PVT1: variants seen among roughly 807,000 people sequenced by gnomAD.
PVT1 encodes Pvt1 oncogene, also known as CXCR4/PVT1 fusion.
chr8:128,085,149 C>T (rs1814240463), intron 5 of PVT1, among the ~76,000 whole-genome samples: 1 of 152,160 alleles, frequency 6.6e-6, no homozygotes, highest in Admixed American at 6.5e-5. Flanking sequence ...CTGGGACTGT[C>T]AAGCCGAAGA....
At chr8:128,012,819 T>A (rs965005756) in intron 4 of PVT1, among the ~76,000 whole-genome samples, 1 of 152,164 alleles carries the variant, frequency 6.6e-6, no homozygotes, top group Non-Finnish European at 1.5e-5. Flanking sequence ...CAAAATCTAC[T>A]AATATCCACC....
intron 3 of PVT1, among the ~76,000 whole-genome samples, chr8:127,896,782 C>G (rs55849445): frequency 9.9e-4 from 148 of 149,568 alleles, no homozygotes; most frequent in African/African-American, 2.9e-3. Context: ...CCTCCCCCCC[C>G]CCGCCCCCGA....
chr8:127,808,217 G>A (rs1276508411), intron 2 of PVT1, among the ~76,000 whole-genome samples: 1 of 151,814 alleles, frequency 6.6e-6, no homozygotes, highest in Non-Finnish European at 1.5e-5. Flanking sequence ...GCTAATTTTT[G>A]TATTTTTTTT....
At chr8:127,844,139 T>C (rs1030460349) in intron 2 of PVT1, among the ~76,000 whole-genome samples, 5 of 151,620 alleles carry the variant, frequency 3.3e-5, no homozygotes, top group Non-Finnish European at 7.4e-5. Context: ...CCCACCACCA[T>C]GCCCGGCTAA....
chr8:127,796,913 T>C (rs939861434), intron 2 of PVT1, among the ~76,000 whole-genome samples: 1 of 147,924 alleles, frequency 6.8e-6, no homozygotes, highest in Non-Finnish European at 1.5e-5. Flanking sequence ...AGTTTCACTC[T>C]TGTTGCCCAG....
chr8:127,818,435 G>A (rs1020211265), intron 2 of PVT1, among the ~76,000 whole-genome samples: 19 of 152,128 alleles, frequency 1.2e-4, no homozygotes, highest in Non-Finnish European at 2.1e-4. Context: ...AGAAGGGAGA[G>A]CAGGCAGGTC....
chr8:127,978,967 C>A (rs1246744754), intron 3 of PVT1, among the ~76,000 whole-genome samples: 3 of 152,216 alleles, frequency 2.0e-5, no homozygotes, highest in Non-Finnish European at 4.4e-5. Flanking sequence ...ATCTCAAACT[C>A]CTGGCCTCAA....
chr8:127,848,405 T>A (rs896972435), intron 2 of PVT1, among the ~76,000 whole-genome samples: 1 of 151,522 alleles, frequency 6.6e-6, no homozygotes, highest in South Asian at 2.1e-4. Context: ...CAAATTTGGC[T>A]GGGCGCAGTG....
chr8:127,990,718 C>T (rs935851205), intron 4 of PVT1, among the ~76,000 whole-genome samples: 7 of 152,200 alleles, frequency 4.6e-5, no homozygotes, highest in Non-Finnish European at 2.9e-5. Context: ...TTTTCAAAAG[C>T]GCATTTGCGT....
chr8:128,022,116 A>G (rs1817445434), intron 4 of PVT1, among the ~76,000 whole-genome samples: 1 of 152,220 alleles, frequency 6.6e-6, no homozygotes, highest in African/African-American at 2.4e-5. Flanking sequence ...GCTGGGTGTC[A>G]GCTCTGGACC....
intron 3 of PVT1, among the ~76,000 whole-genome samples, chr8:127,964,068 T>G (rs1816676912): frequency 6.6e-6 from 1 of 152,196 alleles, no homozygotes; most frequent in African/African-American, 2.4e-5. Context: ...TTATTGCAGA[T>G]GAAGGAGTGC....
chr8:127,846,409 C>T (rs999791964), intron 2 of PVT1, among the ~76,000 whole-genome samples: 1 of 152,180 alleles, frequency 6.6e-6, no homozygotes, highest in Admixed American at 6.6e-5. Context: ...CGTGGTTAAT[C>T]ACATTTCCTA....
intron 2 of PVT1, among the ~76,000 whole-genome samples, chr8:127,851,432 A>T (rs28583916): frequency 6.6e-6 from 1 of 152,118 alleles, no homozygotes; most frequent in African/African-American, 2.4e-5. Flanking sequence ...ACCCCCGCCC[A>T]TGGCCCTCAT....
At chr8:127,934,786 C>T (rs953311221) in intron 3 of PVT1, among the ~76,000 whole-genome samples, 1 of 152,086 alleles carries the variant, frequency 6.6e-6, no homozygotes, top group Non-Finnish European at 1.5e-5. Flanking sequence ...TTTGACTTAT[C>T]AATGGTTTTT....
intron 2 of PVT1, among the ~76,000 whole-genome samples, chr8:127,847,601 G>A (rs1815050802): frequency 6.6e-6 from 1 of 152,208 alleles, no homozygotes; most frequent in African/African-American, 2.4e-5. Flanking sequence ...TTGAAGACTG[G>A]CAAATGATGA....
intron 4 of PVT1, among the ~76,000 whole-genome samples, chr8:128,059,241 A>G (rs1813800963): frequency 1.3e-5 from 2 of 152,138 alleles, no homozygotes; most frequent in South Asian, 4.1e-4. Context: ...TGAATGAGAT[A>G]TGGCAGGGAA....
intron 4 of PVT1, among the ~76,000 whole-genome samples, chr8:128,067,787 C>T (rs941707794): frequency 6.6e-6 from 1 of 152,074 alleles, no homozygotes; most frequent in Non-Finnish European, 1.5e-5. Context: ...GGCCTCCCTG[C>T]TTGCAGGAAG....
At chr8:127,978,085 C>T (rs1367507440) in intron 3 of PVT1, among the ~76,000 whole-genome samples, 1 of 152,198 alleles carries the variant, frequency 6.6e-6, no homozygotes. Flanking sequence ...TCCACACTGT[C>T]ACTTCTTTCA....
intron 3 of PVT1, among the ~76,000 whole-genome samples, chr8:127,929,199 G>GTTTTT (rs34027484): frequency 1.4e-5 from 2 of 138,132 alleles, no homozygotes; most frequent in Non-Finnish European, 1.6e-5. Flanking sequence ...TCATTTTTCT[G>GTTTTT]TTTTTTTTTT....
Sources: allele counts gnomAD v4.1 joint callset (sites outside exome capture counted in the v4.1 genomes callset), GRCh38; gene constraint gnomAD v4.1.1; transcripts MANE v1.5; gene names NCBI Gene and HGNC (gene_info 2026-07-23, HGNC 2026-07-21).